The following ROBO1 variants were observed in gnomAD, a reference collection of about 807,000 sequenced individuals.
The protein encoded by ROBO1 is roundabout guidance receptor 1, also known as roundabout homolog 1.
Under a neutral mutation model 195.9 loss-of-function variants are expected in ROBO1, and 149 were observed. The ratio of observed to expected loss-of-function variants is 0.76; its 90% confidence interval spans 0.67 to 0.87. The LOEUF is 0.87. Among genes scored for constraint, ROBO1 ranks in the 40% least tolerant of loss-of-function variants. The pLI, the probability that ROBO1 is intolerant of heterozygous loss-of-function variation, is 0.00. For missense variants in ROBO1, 1,933 were observed against 2,068.3 expected (o/e 0.93, Z 1.27); for synonymous variants, 816 against 733.2 (o/e 1.11, Z -1.82).
At chr3:78,970,145 T>G (rs2107904802) in intron 3 of ROBO1, among the ~76,000 whole-genome samples, 1 of 152,270 alleles carries the variant, frequency 6.6e-6, no homozygotes, top group East Asian at 1.9e-4. Flanking sequence ...TTACAATAAT[T>G]ACTTCAAGAG....
chr3:78,692,733 T>C (rs1353335154), intron 8 of ROBO1, among the ~76,000 whole-genome samples: 2 of 152,200 alleles, frequency 1.3e-5, no homozygotes, highest in Non-Finnish European at 2.9e-5. Flanking sequence ...ACTTAGAAAC[T>C]TGATGGCTTA....
chr3:79,716,473 T>A (rs951377737), intron 1 of ROBO1, among the ~76,000 whole-genome samples: 3 of 152,012 alleles, frequency 2.0e-5, no homozygotes, highest in Non-Finnish European at 4.4e-5. Context: ...TTTTTATTAA[T>A]GGTGATTTTT....
At chr3:78,615,147 A>G (rs756745343) in intron 27 of ROBO1, among the ~76,000 whole-genome samples, 41 of 152,362 alleles carry the variant, frequency 2.7e-4, no homozygotes, top group African/African-American at 9.1e-4. Flanking sequence ...TAGTAATTAA[A>G]TGTTTGCATA....
chr3:79,460,738 T>G (rs914290359), intron 2 of ROBO1, among the ~76,000 whole-genome samples: 3 of 152,162 alleles, frequency 2.0e-5, no homozygotes, highest in Non-Finnish European at 4.4e-5. Context: ...AAGCAGTATT[T>G]TTTTCTTTTT....
intron 3 of ROBO1, among the ~76,000 whole-genome samples, chr3:79,077,442 T>C (rs1395913967): frequency 6.6e-6 from 1 of 151,852 alleles, no homozygotes; most frequent in Non-Finnish European, 1.5e-5. Flanking sequence ...CACAGACATG[T>C]ATGTAGATAT....
chr3:79,589,217 C>T lies in ROBO1; in HGVS notation c.88+607G>A, dbSNP rs1043963550. 4.6e-5 allele frequency among the ~76,000 whole-genome samples: 7 copies of T among 151,428 alleles called. No individual in the cohort carries two copies. The South Asian group carries it at 1.0e-3, about 22-fold the overall frequency. ...TATTTTCTGCTACCATACATTGGAC[C>T]TAATTAATTCCTATTAAAACAGTAT... On this transcript the variant is annotated intron_variant, in intron 2 of 30. Coordinates refer to ENST00000464233, the MANE Select transcript of ROBO1 (RefSeq NM_002941.4).
chr3:79,428,997 G>C (rs2038565544), intron 2 of ROBO1, among the ~76,000 whole-genome samples: 2 of 152,030 alleles, frequency 1.3e-5, no homozygotes, highest in South Asian at 4.1e-4. Flanking sequence ...GGAACCTTTG[G>C]GGATGACGGA....
chr3:79,429,534 T>C (rs1201921529), intron 2 of ROBO1, among the ~76,000 whole-genome samples: 1 of 151,982 alleles, frequency 6.6e-6, no homozygotes, highest in Admixed American at 6.6e-5. Context: ...ATCAGTTCAG[T>C]GGAGTGAAGG....
intron 2 of ROBO1, among the ~76,000 whole-genome samples, chr3:79,500,794 A>T (rs1208407886): frequency 6.6e-6 from 1 of 152,188 alleles, no homozygotes; most frequent in Non-Finnish European, 1.5e-5. Flanking sequence ...TAAATGGGGG[A>T]TAAAGGGCTA....
intron 4 of ROBO1, among the ~76,000 whole-genome samples, chr3:78,861,808 T>A (rs1256486946): frequency 6.6e-6 from 1 of 152,184 alleles, no homozygotes; most frequent in African/African-American, 2.4e-5. Context: ...ATATATAGAT[T>A]TTATTCCCCA....
chr3:78,753,130 A>G (rs534668709), intron 4 of ROBO1, among the ~76,000 whole-genome samples: 1 of 152,316 alleles, frequency 6.6e-6, no homozygotes, highest in African/African-American at 2.4e-5. Context: ...AACACAAGGC[A>G]TTGCAGATAA....
chr3:79,061,794 CA>C (rs781200884), intron 3 of ROBO1, among the ~76,000 whole-genome samples: 7 of 152,054 alleles, frequency 4.6e-5, no homozygotes, highest in Non-Finnish European at 1.0e-4. Flanking sequence ...AATGGCTAGC[CA>C]TATATAGAAA....
intron 4 of ROBO1, among the ~76,000 whole-genome samples, chr3:78,826,772 T>C (rs1270859758): frequency 6.6e-6 from 1 of 152,190 alleles, no homozygotes; most frequent in Non-Finnish European, 1.5e-5. Flanking sequence ...TCGATATATT[T>C]GTTTCTTATA....
At chr3:79,477,459 T>G (rs1170460062) in intron 2 of ROBO1, among the ~76,000 whole-genome samples, 1 of 152,168 alleles carries the variant, frequency 6.6e-6, no homozygotes, top group Non-Finnish European at 1.5e-5. Context: ...CCTTGAACAT[T>G]AAGTTTTCTT....
intron 1 of ROBO1, among the ~76,000 whole-genome samples, chr3:79,682,032 CA>C (rs1324525380): frequency 5.9e-5 from 9 of 151,914 alleles, no homozygotes; most frequent in Non-Finnish European, 1.3e-4. Flanking sequence ...AACAATCAAG[CA>C]AAATGTAATT....
chr3:79,157,353 T>C (rs1478424872), intron 2 of ROBO1, among the ~76,000 whole-genome samples: 1 of 151,940 alleles, frequency 6.6e-6, no homozygotes, highest in East Asian at 1.9e-4. Context: ...TGGTGGAAGC[T>C]GGCACACCAG....
At chr3:78,897,018 G>A (rs1402579885) in intron 4 of ROBO1, among the ~76,000 whole-genome samples, 1 of 152,200 alleles carries the variant, frequency 6.6e-6, no homozygotes, top group African/African-American at 2.4e-5. Flanking sequence ...CATATCAGCT[G>A]TGTATGAATG....
chr3:79,647,693 G>A (rs902916840), intron 1 of ROBO1, among the ~76,000 whole-genome samples: 9 of 151,982 alleles, frequency 5.9e-5, no homozygotes, highest in Non-Finnish European at 7.4e-5. Context: ...GTGTTGATGT[G>A]GAGAAGCCCT....
intron 2 of ROBO1, among the ~76,000 whole-genome samples, chr3:79,382,660 T>C (rs2036612250): frequency 2.0e-5 from 3 of 152,174 alleles, no homozygotes; most frequent in Admixed American, 1.3e-4. Context: ...TGTAACATTT[T>C]CTCTTAGACA....
Sources: gnomAD v4.1 joint callset for allele counts (sites outside exome capture counted in the v4.1 genomes callset) on GRCh38, gnomAD v4.1.1 for gene constraint, MANE v1.5 for transcripts, NCBI Gene and HGNC (gene_info 2026-07-23, HGNC 2026-07-21) for gene names.